Variants in FHIT observed in about 807,000 individuals in gnomAD.
The protein encoded by FHIT is fragile histidine triad diadenosine triphosphatase, also known as bis(5'-adenosyl)-triphosphatase.
A neutral mutation model predicts 17.9 loss-of-function variants in FHIT; 19 were observed. The observed-to-expected ratio is 1.06, with a 90% CI of 0.74 to 1.56. The LOEUF is 1.56. Ranked by LOEUF, FHIT falls within the 40% of genes most tolerant of loss-of-function variation. The pLI is 0.00. For synonymous variants in FHIT, 81 were observed against 69.7 expected, an observed-to-expected ratio of 1.16 and a Z score of -0.81; for missense variants, 248 against 189.2, an observed-to-expected ratio of 1.31 and a Z score of -1.82.
chr3:60,660,742 T>TTTTTTTTTTTTTTTTTTTTTTTTG, intron 4 of FHIT, among the ~76,000 whole-genome samples: 1 of 139,542 alleles, frequency 7.2e-6, no homozygotes, highest in African/African-American at 2.6e-5. Flanking sequence ...TTTTTTTTTT[T>TTTTTTTTTTTTTTTTTTTTTTTTG]TTTTTTTTGC....
chr3:60,549,578 G>A (rs540306383), intron 4 of FHIT, among the ~76,000 whole-genome samples: 122 of 152,190 alleles, frequency 8.0e-4, no homozygotes, highest in African/African-American at 2.8e-3. Flanking sequence ...GATATCCAAC[G>A]GTTGTATAGA....
rs780182989 is a variant in FHIT, at chr3:60,099,623, T to C, written c.104-85471A>G. ...CCCCCAATGAGGTGTAAGCCCTCCT[T>C]ACTCTGGAAGTTATCTCACTGGCCT... is the stretch of plus-strand genomic sequence containing the variant. On this transcript the variant is annotated intron_variant, in intron 5 of 9. Coordinates refer to ENST00000492590, the MANE Select transcript of FHIT (RefSeq NM_002012.4). Among the ~76,000 whole-genome samples, 38 of 152,164 alleles carry C rather than the reference T, an allele frequency of 2.5e-4. 1 individual carries two copies. The highest frequency in any genetic ancestry group is 4.4e-4 in the Non-Finnish European group (30 of 68,020).
intron 3 of FHIT, among the ~76,000 whole-genome samples, chr3:60,925,553 G>C (rs1553769622): frequency 6.6e-6 from 1 of 152,170 alleles, no homozygotes. Context: ...AAGAGCTCCT[G>C]AAGGAAGCAC....
intron 2 of FHIT, among the ~76,000 whole-genome samples, chr3:61,044,105 C>G (rs2033664080): frequency 6.6e-6 from 1 of 152,138 alleles, no homozygotes. Flanking sequence ...TGCTCGCCAG[C>G]AAGGGAACAA....
At chr3:60,050,983 A>G (rs2106878868) in intron 5 of FHIT, among the ~76,000 whole-genome samples, 1 of 152,296 alleles carries the variant, frequency 6.6e-6, no homozygotes, top group South Asian at 2.1e-4. Context: ...CATGGAAGAT[A>G]ATCAAGGGAA....
At chr3:60,235,231 G>GT (rs375274237) in intron 5 of FHIT, among the ~76,000 whole-genome samples, 10 of 147,300 alleles carry the variant, frequency 6.8e-5, no homozygotes, top group East Asian at 2.0e-4. Context: ...GCTTTTGTTT[G>GT]TTGTTTTTTT....
chr3:61,081,934 G>A (rs530206415), intron 2 of FHIT, among the ~76,000 whole-genome samples: 2 of 152,150 alleles, frequency 1.3e-5, no homozygotes, highest in South Asian at 2.1e-4. Flanking sequence ...TCACCAAGTC[G>A]TGAGCAGACA....
chr3:60,174,267 C>G (rs1314106146), intron 5 of FHIT, among the ~76,000 whole-genome samples: 3 of 151,940 alleles, frequency 2.0e-5, no homozygotes, highest in Non-Finnish European at 4.4e-5. Context: ...AATCTTATGG[C>G]TACACCACAA....
chr3:59,925,209 T>G (rs1575706000), intron 7 of FHIT, among the ~76,000 whole-genome samples: 1 of 152,034 alleles, frequency 6.6e-6, no homozygotes, highest in African/African-American at 2.4e-5. Flanking sequence ...GCTCAAGAGA[T>G]CCTCCTGCCT....
intron 5 of FHIT, among the ~76,000 whole-genome samples, chr3:60,154,976 G>A (rs1441024767): frequency 1.3e-5 from 2 of 152,016 alleles, no homozygotes; most frequent in Admixed American, 1.3e-4. Context: ...AAGGTGAGAG[G>A]ATCACTTGAG....
intron 7 of FHIT, among the ~76,000 whole-genome samples, chr3:59,935,391 A>C (rs777385409): frequency 6.6e-6 from 1 of 152,044 alleles, no homozygotes; most frequent in South Asian, 2.1e-4. Context: ...CTGAGTTTTA[A>C]AGAGCATGCT....
intron 2 of FHIT, among the ~76,000 whole-genome samples, chr3:61,093,763 CT>C (rs2035554848): frequency 6.6e-6 from 1 of 152,218 alleles, no homozygotes; most frequent in Non-Finnish European, 1.5e-5. Context: ...ATATTCACCC[CT>C]GACCAAATCA....
At chr3:61,016,455 C>T (rs2032111357) in intron 3 of FHIT, among the ~76,000 whole-genome samples, 1 of 152,146 alleles carries the variant, frequency 6.6e-6, no homozygotes. Flanking sequence ...TTTAAAGACA[C>T]AGGGGATTTT....
rs139347175 is a variant in FHIT, at chr3:60,376,029, T to C, written c.103+160831A>G. ...AGCTACACGTGGTTAGTGGTTTCCA[T>C]GCAGAAGCAGAAGAAGACAGCTCCT... On this transcript the variant is annotated intron_variant, in intron 5 of 9. Transcript: ENST00000492590. Among the ~76,000 whole-genome samples, 300 of 152,336 alleles carry C rather than the reference T, an allele frequency of 2.0e-3. 1 individual carries two copies. The highest frequency in any genetic ancestry group is 7.1e-3 in the African/African-American group (294 of 41,578).
intron 5 of FHIT, among the ~76,000 whole-genome samples, chr3:60,531,337 G>C (rs1260905840): frequency 6.8e-6 from 1 of 146,426 alleles, no homozygotes; most frequent in Non-Finnish European, 1.5e-5. Context: ...GGAGTGCAGT[G>C]GTGCGATCTA....
intron 5 of FHIT, among the ~76,000 whole-genome samples, chr3:60,523,504 T>C (rs183008390): frequency 8.7e-4 from 131 of 151,438 alleles, no homozygotes; most frequent in South Asian, 2.7e-3. Context: ...CAGAAAGAAA[T>C]AGAGATCTAC....
chr3:61,122,231 C>T (rs879888825), intron 2 of FHIT, among the ~76,000 whole-genome samples: 2 of 152,116 alleles, frequency 1.3e-5, no homozygotes, highest in Admixed American at 1.3e-4. Context: ...CTTTGACAAC[C>T]CTGACAAAAA....
chr3:59,787,818 G>C (rs1195027671), intron 8 of FHIT, among the ~76,000 whole-genome samples: 1 of 152,226 alleles, frequency 6.6e-6, no homozygotes, highest in African/African-American at 2.4e-5. Flanking sequence ...ACTCGGTTCA[G>C]TTGGGATTCA....
intron 8 of FHIT, among the ~76,000 whole-genome samples, chr3:59,883,261 C>A (rs898232080): frequency 6.6e-6 from 1 of 152,086 alleles, no homozygotes; most frequent in Non-Finnish European, 1.5e-5. Context: ...ATTGTCTATG[C>A]TCTTAGGTTA....
Sources: allele counts gnomAD v4.1 joint callset (sites outside exome capture counted in the v4.1 genomes callset), GRCh38; gene constraint gnomAD v4.1.1; transcripts MANE v1.5; gene names NCBI Gene and HGNC (gene_info 2026-07-23, HGNC 2026-07-21).